The following ZNF705B variants were observed in gnomAD, a reference collection of about 807,000 sequenced individuals.
The protein encoded by ZNF705B is zinc finger protein 705B.
A neutral mutation model predicts 10.5 loss-of-function variants in ZNF705B; 1 was observed. The observed-to-expected ratio is 0.10, with a 90% confidence interval of 0.03 to 0.45. The LOEUF (loss-of-function observed/expected upper bound fraction) is 0.45, where lower values mean the gene tolerates loss of function less well. ZNF705B is among the 20% of genes least tolerant of loss of function. The probability of loss-of-function intolerance (pLI) is 0.97; values close to 1 mark genes in which losing one functional copy is unlikely to be tolerated. For synonymous variants in ZNF705B, 4 were observed against 25.4 expected (o/e 0.16, Z 2.53); for missense variants, 14 against 84.0 (o/e 0.17, Z 3.26).
chr8:7,931,754 C>T (rs1287806279), intron 2 of ZNF705B, among the ~76,000 whole-genome samples: 1 of 130,942 alleles, frequency 7.6e-6, no homozygotes, highest in Non-Finnish European at 1.8e-5. Context: ...GGTGACTCTC[C>T]ACTTGAGAAG....
At chr8:7,935,325 AC>A (rs1248477704) in intron 2 of ZNF705B, among the ~76,000 whole-genome samples, 1 of 146,926 alleles carries the variant, frequency 6.8e-6, no homozygotes, top group African/African-American at 2.5e-5. Flanking sequence ...CAAAAACTAT[AC>A]TTGTTGAAAA....
chr8:7,926,590 T>G (rs1819693651), intron 1 of ZNF705B, among the ~76,000 whole-genome samples, 193 bp downstream of exon 1: 1 of 103,374 alleles, frequency 9.7e-6, no homozygotes, highest in Non-Finnish European at 2.3e-5. Flanking sequence ...GTGGTATGAG[T>G]GTTTGTGTCT....
At chr8:7,928,559 GA>G (rs1352924841) in intron 1 of ZNF705B, among the ~76,000 whole-genome samples, 6 of 116,582 alleles carry the variant, frequency 5.1e-5, no homozygotes. Context: ...ATGTGGAGGG[GA>G]AAGAGAGAAG....
At chr8:7,936,533 A>T (rs1179452365) in intron 2 of ZNF705B, among the ~76,000 whole-genome samples, 4 of 119,858 alleles carry the variant, frequency 3.3e-5, no homozygotes, top group African/African-American at 1.0e-4. Flanking sequence ...ACGGAATACT[A>T]TGCATCCATA....
At chr8:7,937,360 G>A (rs1820044128) in intron 2 of ZNF705B, among the ~76,000 whole-genome samples, 1 of 107,428 alleles carries the variant, frequency 9.3e-6, no homozygotes, top group African/African-American at 2.7e-5. Context: ...GCATTCTTTA[G>A]CACCATCCTG....
chr8:7,929,489 C>T (rs1401185680), intron 1 of ZNF705B, among the ~76,000 whole-genome samples: 5 of 120,808 alleles, frequency 4.1e-5, no homozygotes, highest in Admixed American at 9.4e-5. Flanking sequence ...AAAAAAGGCA[C>T]CAAACCTCAG....
Position 7,930,855 on chromosome 8 carries a change from T to G in ZNF705B, c.-72+419T>G, listed in dbSNP as rs1165211805. On this transcript the variant is annotated intron_variant, in intron 2 of 6. Coordinates refer to ENST00000400120, the MANE Select transcript of ZNF705B (RefSeq NM_001193630.1). ...TTGTGTTATTTTTTTTGTTTTTTTTTTTGTTGTTGTTGTTGTTTTGAGACA... is the reference window on the plus strand; with the variant it reads ...TTGTGTTATTTTTTTTGTTTTTTTTGTTGTTGTTGTTGTTGTTTTGAGACA... Among the ~76,000 whole-genome samples the G allele has an allele frequency of 1.2e-3, 135 of 108,702 alleles. 1 individual carries two copies. Among genetic ancestry groups the G allele is most frequent in the African/African-American group, 3.4e-3 (125 of 36,946 alleles). The allele number at this position is 108,702 out of a possible 152,430, so 71.3% of individuals were successfully genotyped here.
At chr8:7,937,368 CT>C (rs2128943770) in intron 2 of ZNF705B, among the ~76,000 whole-genome samples, 1 of 107,244 alleles carries the variant, frequency 9.3e-6, no homozygotes, top group South Asian at 3.5e-4. Context: ...TAGCACCATC[CT>C]GTGTTTTCTT....
intron 2 of ZNF705B, among the ~76,000 whole-genome samples, chr8:7,937,340 T>C (rs1475466205): frequency 1.0e-4 from 11 of 110,108 alleles, no homozygotes; most frequent in African/African-American, 3.0e-4. Flanking sequence ...ATGCCACCTT[T>C]CATTAGGGTG....
At chr8:7,934,680 TTGTGTGTGTGTCTGTG>T in intron 2 of ZNF705B, 6 of 210,922 alleles carry the variant, frequency 2.8e-5, no homozygotes, top group Non-Finnish European at 4.6e-5. Flanking sequence ...TTGTGTGGAT[TTGTGTGTGTGTCTGTG>T]TGTGTGTGTG....
chr8:7,926,522 T>C (rs1240826309), intron 1 of ZNF705B, 125 bp downstream of exon 1: 1 of 113,694 alleles, frequency 8.8e-6, no homozygotes, highest in African/African-American at 2.7e-5. Context: ...CACTTTACTT[T>C]CTAGTGGTAT....
chr8:7,936,210 G>A (rs1199976744), intron 2 of ZNF705B, among the ~76,000 whole-genome samples: 2 of 119,004 alleles, frequency 1.7e-5, no homozygotes, highest in East Asian at 4.7e-4. Context: ...TTTCTAACTT[G>A]CAATATGTTT....
intron 2 of ZNF705B, among the ~76,000 whole-genome samples, chr8:7,940,686 T>C (rs554484747): frequency 4.1e-4 from 61 of 148,292 alleles, no homozygotes; most frequent in African/African-American, 1.4e-3. Flanking sequence ...TGAAATAATA[T>C]AGTAATTGTC....
chr8:7,928,324 G>T (rs1255329595), intron 1 of ZNF705B, among the ~76,000 whole-genome samples: 1 of 120,490 alleles, frequency 8.3e-6, no homozygotes, highest in Non-Finnish European at 2.0e-5. Context: ...CAAACATTCG[G>T]GCCACAGCAC....
intron 1 of ZNF705B, among the ~76,000 whole-genome samples, chr8:7,929,643 T>C (rs975101180): frequency 8.2e-6 from 1 of 121,686 alleles, no homozygotes; most frequent in African/African-American, 2.5e-5. Context: ...AATTTGAACA[T>C]TTGAATCAGG....
chr8:7,927,028 T>G (rs1241995806), intron 1 of ZNF705B, among the ~76,000 whole-genome samples: 2 of 119,704 alleles, frequency 1.7e-5, no homozygotes, highest in African/African-American at 5.0e-5. Flanking sequence ...AGATACCACT[T>G]TCAAGACTCG....
chr8:7,937,703 A>G (rs1820053674), intron 2 of ZNF705B, among the ~76,000 whole-genome samples: 1 of 109,222 alleles, frequency 9.2e-6, no homozygotes, highest in African/African-American at 2.7e-5. Flanking sequence ...TCAGTCCCCG[A>G]TGTTGTGTGC....
intron 1 of ZNF705B, among the ~76,000 whole-genome samples, chr8:7,929,286 C>T (rs1819778285): frequency 8.2e-6 from 1 of 121,398 alleles, no homozygotes; most frequent in Admixed American, 9.3e-5. Context: ...TTTAAAATAG[C>T]TGCCCTTACA....
In ZNF705B at chr8:7,932,286, C is replaced by T. The variant is rs576734457; in HGVS notation, c.-72+1850C>T. Among the ~76,000 whole-genome samples, 26 of 121,168 alleles carry T rather than the reference C, an allele frequency of 2.1e-4. 1 individual carries two copies. The highest frequency in any genetic ancestry group is 6.6e-4 in the Admixed American group (7 of 10,634). 79.5% of individuals were successfully genotyped at this position (121,168 alleles called of 152,430 possible). A position where few individuals can be genotyped will look rare whatever the true frequency, so the allele number is the denominator to read the frequency against. On this transcript the variant is annotated intron_variant, in intron 2 of 6. Coordinates refer to ENST00000400120, the MANE Select transcript of ZNF705B (RefSeq NM_001193630.1). ...GCTGATTCTGGCTGGGCTGCTGCTT[C>T]ATTTTCCTTTCCTTCCATGCCTCAG... is the stretch of plus-strand genomic sequence containing the variant.
Sources: allele counts gnomAD v4.1 joint callset (sites outside exome capture counted in the v4.1 genomes callset), GRCh38; gene constraint gnomAD v4.1.1; transcripts MANE v1.5; gene names NCBI Gene and HGNC (gene_info 2026-07-23, HGNC 2026-07-21).